GXYLT2: variants seen among roughly 807,000 people sequenced by gnomAD.
GXYLT2 encodes the protein glucoside xylosyltransferase 2.
GXYLT2 carries 53 observed loss-of-function variants against 45.8 expected under a neutral mutation model. The ratio of observed to expected loss-of-function variants is 1.16; its 90% CI spans 0.93 to 1.46. The LOEUF is 1.46. Among genes scored for constraint, GXYLT2 ranks in the 40% most tolerant of loss-of-function variants. GXYLT2 has a pLI of 0.00. For synonymous variants in GXYLT2, 219 were observed against 214.2 expected (o/e 1.02, Z -0.19); for missense variants, 551 against 544.4 (o/e 1.01, Z -0.12).
chr3:72,968,054 A>C (rs973024509), intron 6 of GXYLT2, among the ~76,000 whole-genome samples: 1 of 151,972 alleles, frequency 6.6e-6, no homozygotes, highest in Admixed American at 6.6e-5. Context: ...GCTTACTGCA[A>C]CCTCCACCTC....
chr3:72,964,391 C>T (rs35163035), intron 5 of GXYLT2, among the ~76,000 whole-genome samples: 1 of 151,656 alleles, frequency 6.6e-6, no homozygotes, highest in Non-Finnish European at 1.5e-5. Context: ...GGTGCGATCT[C>T]GGCTCACCAC....
At chr3:72,974,640 G>A (rs1392073718) in intron 6 of GXYLT2, among the ~76,000 whole-genome samples, 1 of 151,982 alleles carries the variant, frequency 6.6e-6, no homozygotes, top group Non-Finnish European at 1.5e-5. Flanking sequence ...ATGAGATGGG[G>A]TCTTGCCATG....
At chr3:72,933,435 G>A (rs945134597) in intron 3 of GXYLT2, among the ~76,000 whole-genome samples, 10 of 152,150 alleles carry the variant, frequency 6.6e-5, no homozygotes, top group Admixed American at 2.0e-4. Context: ...TATTTCTTAC[G>A]AAGCCTAGTG....
At position 72,975,368 on chromosome 3, in the gene GXYLT2, G is replaced by GT; in HGVS notation, c.*209_*210insT. ...TTTCTAAAATGCTATTTATCTCTAA[G>GT]GAAAAAAAAAAAAGACTATTACTCA... On this transcript the variant is annotated 3_prime_UTR_variant, in exon 7 of 7. Transcript: ENST00000389617. The GT allele has an allele frequency of 1.9e-5, 6 of 314,904 alleles. No individual in the cohort carries two copies. Among genetic ancestry groups the GT allele is most frequent in the East Asian group, 4.1e-5 (1 of 24,472 alleles). The allele number at this position is 314,904 out of a possible 1,614,324, so 19.5% of individuals were successfully genotyped here. A position where few individuals can be genotyped will look rare whatever the true frequency, so the allele number is the denominator to read the frequency against.
At chr3:72,891,508 T>C (rs779440991) in intron 1 of GXYLT2, among the ~76,000 whole-genome samples, 4 of 152,182 alleles carry the variant, frequency 2.6e-5, no homozygotes, top group Non-Finnish European at 5.9e-5. Context: ...TCCTTCTCTA[T>C]AAATATAAAG....
chr3:72,965,706 G>A (rs1354362353), intron 5 of GXYLT2, among the ~76,000 whole-genome samples: 1 of 152,068 alleles, frequency 6.6e-6, no homozygotes, highest in African/African-American at 2.4e-5. Context: ...GATGTTCAGA[G>A]CACCCACTAG....
At chr3:72,894,460 G>T (rs1008399787) in intron 1 of GXYLT2, among the ~76,000 whole-genome samples, 7 of 152,228 alleles carry the variant, frequency 4.6e-5, no homozygotes, top group African/African-American at 1.7e-4. Flanking sequence ...CTTACCAGAG[G>T]TAGGTTCCTG....
At chr3:72,912,412 G>A (rs1416269774) in intron 2 of GXYLT2, among the ~76,000 whole-genome samples, 1 of 152,094 alleles carries the variant, frequency 6.6e-6, no homozygotes, top group Non-Finnish European at 1.5e-5. Flanking sequence ...GCCTCCCAAA[G>A]TACTGGGATT....
intron 3 of GXYLT2, among the ~76,000 whole-genome samples, chr3:72,943,177 AG>A (rs1314544327): frequency 6.6e-6 from 1 of 152,208 alleles, no homozygotes; most frequent in Non-Finnish European, 1.5e-5. Flanking sequence ...AAAAAGGAAA[AG>A]GGGGAAAAAG....
At chr3:72,899,065 G>T (rs988835386) in intron 1 of GXYLT2, among the ~76,000 whole-genome samples, 1 of 152,160 alleles carries the variant, frequency 6.6e-6, no homozygotes, top group African/African-American at 2.4e-5. Context: ...CTTGTATGTG[G>T]TTCCAAATAC....
intron 2 of GXYLT2, among the ~76,000 whole-genome samples, chr3:72,916,739 C>T (rs986413685): frequency 6.6e-6 from 1 of 151,702 alleles, no homozygotes; most frequent in Non-Finnish European, 1.5e-5. Flanking sequence ...GGGGGTTTCA[C>T]CATGTTGGCC....
intron 4 of GXYLT2, among the ~76,000 whole-genome samples, chr3:72,956,471 T>C (rs1401231326): frequency 6.6e-6 from 1 of 152,182 alleles, no homozygotes; most frequent in Admixed American, 6.5e-5. Flanking sequence ...TGTTTTTCCT[T>C]AAGATACCTG....
Position 72,955,355 on chromosome 3 carries a change from C to T in GXYLT2, c.852+6C>T, listed in dbSNP as rs751372872. 1.8e-5 allele frequency: 29 copies of T among 1,611,198 alleles called. No homozygotes were observed. Among genetic ancestry groups the T allele is most frequent in the East Asian group, 8.9e-5 (4 of 44,852 alleles). ...TAAGAAGTACCCAGTTCAAGGTAAA[C>T]GAGTGCTTTAAAATTCCTTGTTTAA... On this transcript the variant is annotated splice_donor_region_variant and intron_variant, in intron 4 of 6. Transcript: ENST00000389617.
chr3:72,945,739 G>A (rs58259077), intron 3 of GXYLT2, among the ~76,000 whole-genome samples: 29,936 of 152,132 alleles, frequency 0.2, 3,425 homozygotes, highest in East Asian at 0.37. Flanking sequence ...ATCATGAACA[G>A]CAGGAGCTCC....
At chr3:72,961,312 C>G (rs1710763932) in intron 5 of GXYLT2, among the ~76,000 whole-genome samples, 1 of 152,104 alleles carries the variant, frequency 6.6e-6, no homozygotes, top group Non-Finnish European at 1.5e-5. Context: ...GATGAATGCA[C>G]TTAGGTTTCA....
chr3:72,901,220 C>T (rs952978617), intron 1 of GXYLT2, among the ~76,000 whole-genome samples: 4 of 149,072 alleles, frequency 2.7e-5, no homozygotes, highest in East Asian at 2.0e-4. Context: ...ACCTGGAAAG[C>T]GGAGGTTGCA....
chr3:72,924,644 T>G (rs1709888000), intron 3 of GXYLT2, among the ~76,000 whole-genome samples: 1 of 152,132 alleles, frequency 6.6e-6, no homozygotes, highest in African/African-American at 2.4e-5. Context: ...CTAACTTGGT[T>G]TGGGCTTTGA....
chr3:72,941,979 G>A (rs9883307), intron 3 of GXYLT2, among the ~76,000 whole-genome samples: 3,932 of 152,204 alleles, frequency 0.026, 147 homozygotes, highest in African/African-American at 0.09. Context: ...AGGGCTCCTG[G>A]GAGAACTGTT....
In GXYLT2 at chr3:72,892,404, G is replaced by C. The variant is rs929606518; in HGVS notation, c.275+3896G>C. Reference sequence around the variant, plus strand: ...CTCTTAAAATATGGCTTCTAAGGGAGACTTAAGATACCTCTAAGCCCTGTA... The same window carrying C: ...CTCTTAAAATATGGCTTCTAAGGGACACTTAAGATACCTCTAAGCCCTGTA... On this transcript the variant is annotated intron_variant, in intron 1 of 6. Coordinates refer to ENST00000389617, the MANE Select transcript of GXYLT2 (RefSeq NM_001080393.2). 2.0e-5 allele frequency among the ~76,000 whole-genome samples: 3 copies of C among 152,140 alleles called. No homozygotes were observed. In the East Asian group the frequency reaches 5.8e-4, roughly 29 times the overall value.
Sources: gnomAD v4.1 joint callset for allele counts (sites outside exome capture counted in the v4.1 genomes callset) on GRCh38, gnomAD v4.1.1 for gene constraint, MANE v1.5 for transcripts, NCBI Gene and HGNC (gene_info 2026-07-23, HGNC 2026-07-21) for gene names.